QTMAN: variants seen among roughly 807,000 people sequenced by gnomAD.
The protein encoded by QTMAN is tRNA-queuosine alpha-mannosyltransferase.
chr2:144,247,848 T>A, the QTMAN span, among the ~76,000 whole-genome samples: 1 of 152,204 alleles, frequency 6.6e-6, no homozygotes, highest in East Asian at 1.9e-4. Context: ...TGACTAATTT[T>A]TTGTTTTTTG....
the QTMAN span, among the ~76,000 whole-genome samples, chr2:144,285,184 T>C: frequency 5.3e-5 from 8 of 152,168 alleles, no homozygotes; most frequent in Admixed American, 1.3e-4. Context: ...AATGGAAACA[T>C]ATTCTTCCAG....
At chr2:144,325,439 C>A in the QTMAN span, among the ~76,000 whole-genome samples, 1 of 151,670 alleles carries the variant, frequency 6.6e-6, no homozygotes, top group Non-Finnish European at 1.5e-5. Flanking sequence ...TTGCCTCCCC[C>A]ATCAATGATT....
the QTMAN span, among the ~76,000 whole-genome samples, chr2:144,125,820 T>C: frequency 3.3e-5 from 5 of 152,050 alleles, no homozygotes; most frequent in African/African-American, 1.2e-4. Flanking sequence ...TTATCAACTA[T>C]ATGAATATTC....
At chr2:143,985,015 T>G in the QTMAN span, among the ~76,000 whole-genome samples, 1 of 152,226 alleles carries the variant, frequency 6.6e-6, no homozygotes, top group African/African-American at 2.4e-5. Flanking sequence ...TGGTTAACCT[T>G]AGCCATCTGC....
At chr2:144,060,849 C>T in the QTMAN span, among the ~76,000 whole-genome samples, 2 of 152,272 alleles carry the variant, frequency 1.3e-5, no homozygotes, top group African/African-American at 4.8e-5. Flanking sequence ...ATTTCACAGC[C>T]CTCCAAATGT....
chr2:144,118,004 C>A, the QTMAN span, among the ~76,000 whole-genome samples: 3 of 152,044 alleles, frequency 2.0e-5, no homozygotes, highest in Admixed American at 1.3e-4. Flanking sequence ...CGCCACCACG[C>A]CCGGCTAATT....
the QTMAN span, among the ~76,000 whole-genome samples, chr2:144,199,783 T>C: frequency 6.6e-6 from 1 of 152,220 alleles, no homozygotes. Context: ...TTGATGTTAA[T>C]TCTTTGTTCA....
At chr2:144,252,249 C>T in the QTMAN span, among the ~76,000 whole-genome samples, 1,330 of 152,000 alleles carry the variant, frequency 8.8e-3, 13 homozygotes, top group African/African-American at 0.03. Flanking sequence ...ATGACACACA[C>T]CTGTAGTCCC....
At chr2:144,105,995 C>T in the QTMAN span, among the ~76,000 whole-genome samples, 1 of 152,084 alleles carries the variant, frequency 6.6e-6, no homozygotes, top group African/African-American at 2.4e-5. Context: ...ATTTCATATC[C>T]AGCCAAACTA....
chr2:144,000,008 G>A, the QTMAN span, among the ~76,000 whole-genome samples: 3 of 152,084 alleles, frequency 2.0e-5, no homozygotes, highest in Admixed American at 1.3e-4. Context: ...GAAACTAAAT[G>A]TTGAATCTAT....
At chr2:144,086,535 G>C in the QTMAN span, among the ~76,000 whole-genome samples, 1 of 152,220 alleles carries the variant, frequency 6.6e-6, no homozygotes, top group African/African-American at 2.4e-5. Context: ...CAGTGAAGCT[G>C]AGTAAGTTGC....
the QTMAN span, among the ~76,000 whole-genome samples, chr2:144,016,881 A>G: frequency 2.6e-5 from 4 of 152,252 alleles, no homozygotes; most frequent in African/African-American, 4.8e-5. Context: ...AGAAGGAGAT[A>G]CTATATTTAT....
the QTMAN span, chr2:144,177,016 G>C: frequency 1.6e-6 from 1 of 625,004 alleles, no homozygotes; most frequent in South Asian, 1.9e-5. Context: ...CAAAGAGAGA[G>C]AGTGGTGGGA....
At chr2:144,306,545 A>G in the QTMAN span, among the ~76,000 whole-genome samples, 1 of 152,178 alleles carries the variant, frequency 6.6e-6, no homozygotes, top group Admixed American at 6.5e-5. Flanking sequence ...CCCCACCCTC[A>G]TGACCTCACC....
chr2:144,059,114 G>A, the QTMAN span, among the ~76,000 whole-genome samples: 1 of 152,158 alleles, frequency 6.6e-6, no homozygotes, highest in African/African-American at 2.4e-5. Flanking sequence ...GCCTCTGACT[G>A]CTCATCCAGC....
At chr2:144,055,417 T>C in the QTMAN span, among the ~76,000 whole-genome samples, 6 of 151,950 alleles carry the variant, frequency 3.9e-5, no homozygotes, top group Admixed American at 1.3e-4. Flanking sequence ...GAGTTTTTTT[T>C]TTTAGGTAAT....
At chr2:144,054,855 A>G in the QTMAN span, among the ~76,000 whole-genome samples, 4 of 152,176 alleles carry the variant, frequency 2.6e-5, no homozygotes, top group Non-Finnish European at 5.9e-5. Flanking sequence ...CTGAAGCAAA[A>G]TTCTTTCATT....
the QTMAN span, chr2:144,319,994 T>C: frequency 6.6e-6 from 1 of 152,242 alleles, no homozygotes; most frequent in Non-Finnish European, 1.5e-5. Flanking sequence ...AACTATTGCC[T>C]GGGCACTAAA....
chr2:144,012,083 A>G, the QTMAN span, among the ~76,000 whole-genome samples: 1 of 151,758 alleles, frequency 6.6e-6, no homozygotes, highest in African/African-American at 2.4e-5. Context: ...TCCACCCCCA[A>G]CTCCTTTCCA....
Sources: allele counts gnomAD v4.1 joint callset (sites outside exome capture counted in the v4.1 genomes callset), GRCh38; gene constraint gnomAD v4.1.1; transcripts MANE v1.5; gene names NCBI Gene and HGNC (gene_info 2026-07-23, HGNC 2026-07-21).